Variants in NELFA observed in about 807,000 individuals in gnomAD.
NELFA encodes negative elongation factor A.
In NELFA, 35 loss-of-function variants were observed where a neutral mutation model predicts 51.8. That is an observed-to-expected ratio of 0.68 (90% CI 0.52 to 0.90). The LOEUF (loss-of-function observed/expected upper bound fraction) is 0.90, where lower values mean the gene tolerates loss of function less well. Among genes scored for constraint, NELFA ranks in the 40% least tolerant of loss-of-function variants. The probability of loss-of-function intolerance (pLI) is 0.00; values close to 1 mark genes in which losing one functional copy is unlikely to be tolerated. For missense variants in NELFA, 658 were observed against 746.4 expected (o/e 0.88, Z 1.38); for synonymous variants, 417 against 338.4 (o/e 1.23, Z -2.55).
At chr4:1,997,164 TC>T (rs1487847787) in intron 1 of NELFA, among the ~76,000 whole-genome samples, 1 of 151,618 alleles carries the variant, frequency 6.6e-6, no homozygotes, top group Non-Finnish European at 1.5e-5. Flanking sequence ...TACTGAAAAA[TC>T]CTCCCACAAA....
intron 2 of NELFA, 192 bp from the exon 3 acceptor site, chr4:1,990,061 G>C (rs1040397966): frequency 1.6e-6 from 1 of 634,768 alleles, no homozygotes; most frequent in South Asian, 2.0e-5. Context: ...TTGCAGAACA[G>C]GAATGCCTGA....
chr4:1,986,493 AGC>A, intron 4 of NELFA, 91 bp from the exon 5 acceptor site: 1 of 1,579,174 alleles, frequency 6.3e-7, no homozygotes, highest in African/African-American at 1.3e-5. Context: ...CTTCTAGGCT[AGC>A]GCCGCAGAGG....
intron 1 of NELFA, chr4:2,007,843 A>G (rs1202420033): frequency 2.6e-6 from 1 of 387,434 alleles, no homozygotes; most frequent in Non-Finnish European, 5.1e-6. Context: ...AATAGCTAAT[A>G]ATACATCAGT....
In NELFA at chr4:1,986,365, T is replaced by C. The variant is rs775798532; in HGVS notation, c.672A>G (p.Arg224=). 6.2e-7 allele frequency: 1 copy of C among 1,610,048 alleles called. No individual in the cohort carries two copies. ...LKGIPKQAPF[R]SPTAPSVFSP... is the part of the protein sequence containing the mutation. ...TGAAGACGCTGGGCGCCGTGGGGCT[T>C]CTGAAGGGCGCCTGCTTCGGGATGC... The change falls in exon 5 of 11, where the codon AGA becomes AGG. Residue 224 remains arginine (R), a synonymous_variant. Transcript: ENST00000382882.
chr4:1,983,282 C>T lies in NELFA; in HGVS notation c.*37G>A, dbSNP rs1305818486. ...GCTGGCAAAGCCATCGTCCCGTGGA[C>T]CCCCACAAGTGACGGCCAGCTGTGA... On this transcript the variant is annotated 3_prime_UTR_variant, in exon 11 of 11. Transcript: ENST00000382882. 3.1e-6 allele frequency: 5 copies of T among 1,589,368 alleles called. No individual in the cohort carries two copies. Among genetic ancestry groups the T allele is most frequent in the Middle Eastern group, 1.7e-4 (1 of 5,954 alleles).
intron 8 of NELFA, among the ~76,000 whole-genome samples, 159 bp from the exon 9 acceptor site, chr4:1,984,272 C>T (rs952615445): frequency 1.3e-5 from 2 of 152,160 alleles, no homozygotes; most frequent in African/African-American, 2.4e-5. Flanking sequence ...CCCCAGAAGC[C>T]CCAGCCAGAG....
intron 3 of NELFA, 92 bp from the exon 4 acceptor site, chr4:1,988,099 G>T: frequency 1.8e-6 from 2 of 1,112,494 alleles, no homozygotes; most frequent in Non-Finnish European, 2.6e-6. Flanking sequence ...TTCATCCGAC[G>T]GCCTGAGCCG....
chr4:1,986,561 A>C, intron 4 of NELFA, 159 bp from the exon 5 acceptor site: 1 of 1,201,722 alleles, frequency 8.3e-7, no homozygotes, highest in Non-Finnish European at 1.2e-6. Context: ...CCCGGACCTC[A>C]AGGAGCAGGG....
chr4:1,985,682 A>G, intron 7 of NELFA, 94 bp downstream of exon 7: 2 of 879,890 alleles, frequency 2.3e-6, no homozygotes, highest in Non-Finnish European at 3.7e-6. Flanking sequence ...ACATACATAT[A>G]TATATTCTCC....
At chr4:1,994,986 T>C (rs1728384020) in intron 1 of NELFA, among the ~76,000 whole-genome samples, 1 of 152,158 alleles carries the variant, frequency 6.6e-6, no homozygotes, top group African/African-American at 2.4e-5. Flanking sequence ...GACTGGGCCA[T>C]GGGGCACCTG....
Position 1,984,603 on chromosome 4 carries a change from C to T in NELFA, c.1036+205G>A, listed in dbSNP as rs73796677. On this transcript the variant is annotated intron_variant, in intron 8 of 10. Transcript: ENST00000382882. ...GGCCGCTGCCTGTCTGTGCCCAGGA[C>T]GGGCAGGGTGGGGCAAAGCAGCTGG... 2.3e-3 allele frequency among the ~76,000 whole-genome samples: 356 copies of T among 152,358 alleles called. 3 individuals are homozygous for T. Among genetic ancestry groups the T allele is most frequent in the African/African-American group, 8.1e-3 (336 of 41,588 alleles).
chr4:2,005,192 G>C (rs1577631848), intron 1 of NELFA, among the ~76,000 whole-genome samples: 1 of 152,074 alleles, frequency 6.6e-6, no homozygotes, highest in Middle Eastern at 3.4e-3. Flanking sequence ...ACTAGATAAA[G>C]GGTATTTATT....
chr4:1,983,346 C>G lies in NELFA; in HGVS notation c.1560G>C (p.Lys520Asn). The change falls in exon 11 of 11, where the codon AAG (lysine) becomes AAC (asparagine). Residue 520 changes from lysine to asparagine, a missense_variant. By Grantham distance (94) the Lys-to-Asn change is moderately conservative. This residue lies in a region of NELFA where 87 missense variants were observed against 130.2 expected (regional missense o/e 0.67). Coordinates refer to ENST00000382882, the MANE Select transcript of NELFA (RefSeq NM_005663.5). ...YATGQWTRFK[K>N]YKPMTNVS ...AGGACACATTGGTCATGGGCTTGTA[C>G]TTCTTGAAGCGCGTCCACTGGCCCG... The G allele has an allele frequency of 6.2e-7, 1 of 1,614,170 alleles. No homozygotes were observed. The highest frequency in any genetic ancestry group is 8.5e-7 in the Non-Finnish European group (1 of 1,180,006).
At position 1,985,879 on chromosome 4, in the gene NELFA, G is replaced by A. The variant is rs1295171943; in HGVS notation, c.836-15C>T. 9 of 1,606,998 alleles carry A rather than the reference G, an allele frequency of 5.6e-6. No individual in the cohort carries two copies. The East Asian group carries it at 6.7e-5, about 12-fold the overall frequency. Reference sequence around the variant, plus strand: ...CACCTCCGCATCTGTGGACAAAACAGGAGTCCTCGCCAGTGCCCGGGCGCG... The same window carrying A: ...CACCTCCGCATCTGTGGACAAAACAAGAGTCCTCGCCAGTGCCCGGGCGCG... On this transcript the variant is annotated splice_polypyrimidine_tract_variant and intron_variant, in intron 6 of 10. Transcript: ENST00000382882.
At chr4:1,991,232 C>T (rs905104320) in intron 2 of NELFA, among the ~76,000 whole-genome samples, 1 of 152,186 alleles carries the variant, frequency 6.6e-6, no homozygotes, top group African/African-American at 2.4e-5. Flanking sequence ...TCTACAGATA[C>T]CACCTGAATG....
intron 4 of NELFA, 89 bp downstream of exon 4, chr4:1,987,829 C>T: frequency 8.9e-7 from 1 of 1,128,618 alleles, no homozygotes; most frequent in East Asian, 2.7e-5. Context: ...TTCACAGGCA[C>T]CACCTCCCCA....
At chr4:2,000,840 A>C (rs1728550886) in intron 1 of NELFA, among the ~76,000 whole-genome samples, 1 of 152,148 alleles carries the variant, frequency 6.6e-6, no homozygotes, top group Non-Finnish European at 1.5e-5. Context: ...AAGAGACAAC[A>C]AAAAAGAAAA....
intron 1 of NELFA, among the ~76,000 whole-genome samples, chr4:1,996,302 T>TA (rs1245881055): frequency 6.6e-6 from 1 of 152,230 alleles, no homozygotes; most frequent in East Asian, 1.9e-4. Context: ...GTGAAGAACT[T>TA]ACTGAAATTA....
intron 1 of NELFA, among the ~76,000 whole-genome samples, chr4:1,996,813 T>G (rs1031635380): frequency 1.3e-5 from 2 of 152,216 alleles, no homozygotes; most frequent in Admixed American, 1.3e-4. Flanking sequence ...ACGCCTGTGA[T>G]CCCAGCTACT....
Sources: gnomAD v4.1 joint callset for allele counts (sites outside exome capture counted in the v4.1 genomes callset) on GRCh38, gnomAD v4.1.1 for gene constraint, gnomAD v4.1.1 regional missense constraint, MANE v1.5 for transcripts, NCBI Gene and HGNC (gene_info 2026-07-23, HGNC 2026-07-21) for gene names.